The following PHLDB3 variants were observed in gnomAD, a reference collection of about 807,000 sequenced individuals.
The protein encoded by PHLDB3 is pleckstrin homology-like domain family B member 3.
In PHLDB3, 86 loss-of-function variants were observed where a neutral mutation model predicts 85.7. That is an observed-to-expected ratio of 1.00 (90% CI 0.84 to 1.20). The LOEUF (loss-of-function observed/expected upper bound fraction) is 1.20, where lower values mean the gene tolerates loss of function less well. Among genes scored for constraint, PHLDB3 ranks in the 50% most tolerant of loss-of-function variants. The pLI is 0.00. For synonymous variants in PHLDB3, 376 were observed against 349.8 expected (o/e 1.07, Z -0.83); for missense variants, 995 against 873.0 (o/e 1.14, Z -1.76).
At chr19:43,502,413 C>T in intron 2 of PHLDB3, 130 bp from the exon 3 acceptor site, 1 of 796,986 alleles carries the variant, frequency 1.3e-6, no homozygotes, top group Non-Finnish European at 1.9e-6. Context: ...ACACAACCAC[C>T]ACTCCCATAA....
intron 13 of PHLDB3, among the ~76,000 whole-genome samples, chr19:43,483,739 T>C (rs1480414116): frequency 1.3e-5 from 2 of 152,158 alleles, no homozygotes; most frequent in Non-Finnish European, 2.9e-5. Flanking sequence ...TTTTCTTTAA[T>C]GGGGAGGCAG....
At chr19:43,488,097 T>C (rs1313325820) in intron 9 of PHLDB3, among the ~76,000 whole-genome samples, 1 of 150,762 alleles carries the variant, frequency 6.6e-6, no homozygotes, top group Admixed American at 6.6e-5. Flanking sequence ...AAGGTTCCAG[T>C]GAGCCGAGAT....
chr19:43,481,768 T>G (rs1599934355), intron 13 of PHLDB3, among the ~76,000 whole-genome samples: 1 of 148,384 alleles, frequency 6.7e-6, no homozygotes, highest in East Asian at 2.0e-4. Context: ...CACTCCAGGC[T>G]GGGTGACAAA....
rs1970903163 is a variant in PHLDB3 at position 43,475,396 on chromosome 19, G to A, written c.*14C>T. 1 of 1,612,832 alleles carries A rather than the reference G, an allele frequency of 6.2e-7. No homozygotes were observed. Among genetic ancestry groups the A allele is most frequent in the African/African-American group, 1.3e-5 (1 of 75,064 alleles). On this transcript the variant is annotated 3_prime_UTR_variant, in exon 16 of 16. Coordinates refer to ENST00000292140, the MANE Select transcript of PHLDB3 (RefSeq NM_198850.4). The stretch of plus-strand genomic sequence containing the variant: ...GAGCCTCGAAGGGACTTCCCCCCAA[G>A]AGGGCGGGGCCACTCAGGGGGCGTG...
At position 43,494,697 on chromosome 19, in the gene PHLDB3, G is replaced by A; in HGVS notation, c.1149+5C>T. Reference sequence around the variant, plus strand: ...ATGGGGAAACAGAGGCCGTGGGGGAGGCACCTGCAGGGAGCTGTGGACAGA... The same window carrying A: ...ATGGGGAAACAGAGGCCGTGGGGGAAGCACCTGCAGGGAGCTGTGGACAGA... On this transcript the variant is annotated splice_donor_5th_base_variant and intron_variant, in intron 9 of 15. Coordinates refer to ENST00000292140, the MANE Select transcript of PHLDB3 (RefSeq NM_198850.4). 6.2e-7 allele frequency: 1 copy of A among 1,603,562 alleles called. No homozygotes were observed. The highest frequency in any genetic ancestry group is 8.5e-7 in the Non-Finnish European group (1 of 1,172,792).
At chr19:43,475,836 G>A (rs1970916968) in intron 15 of PHLDB3, among the ~76,000 whole-genome samples, 1 of 151,534 alleles carries the variant, frequency 6.6e-6, no homozygotes. Flanking sequence ...TGGCTCTGTC[G>A]CCAGGCTGGA....
At chr19:43,504,215 G>A (rs1971697130) in intron 1 of PHLDB3, 83 bp from the exon 2 acceptor site, 1 of 1,258,990 alleles carries the variant, frequency 7.9e-7, no homozygotes, top group Non-Finnish European at 1.1e-6. Context: ...GGGGCGCGGA[G>A]ACCCCCCCCC....
rs763717699 is a variant in PHLDB3, at chr19:43,479,544, C to G, written c.1535G>C (p.Arg512Pro). The part of the protein sequence containing the change: ...HPPGPRILDL[R>P]QHLEGWGHNP... ...GTGGCCCCATCCCTCCAGATGCTGC[C>G]GGAGATCCAAGATTCGCGGGCCTGG... The change falls in exon 14 of 16, where the codon CGG becomes CCG. Residue 512 changes from arginine to proline, a missense_variant. Coordinates refer to ENST00000292140, the MANE Select transcript of PHLDB3 (RefSeq NM_198850.4). The G allele has an allele frequency of 2.6e-6, 3 of 1,175,920 alleles. No homozygotes were observed. In the Admixed American group the frequency reaches 8.2e-5, roughly 32 times the overall value. The allele number at this position is 1,175,920 out of a possible 1,614,324, so 72.8% of individuals were successfully genotyped here. A position where few individuals can be genotyped will look rare whatever the true frequency, so the allele number is the denominator to read the frequency against.
intron 5 of PHLDB3, 81 bp downstream of exon 5, chr19:43,497,667 G>A: frequency 4.2e-6 from 6 of 1,430,874 alleles, no homozygotes; most frequent in African/African-American, 1.4e-5. Context: ...AGCCGAGATC[G>A]CACCACTGCA....
chr19:43,485,154 G>T (rs1298504328), intron 13 of PHLDB3, among the ~76,000 whole-genome samples: 2 of 151,710 alleles, frequency 1.3e-5, no homozygotes, highest in African/African-American at 2.4e-5. Flanking sequence ...GGCACCTGGG[G>T]GTCTATTAAT....
chr19:43,493,364 G>A lies in PHLDB3; in HGVS notation c.1149+1338C>T, dbSNP rs114361869. Among the ~76,000 whole-genome samples, 1,420 of 151,388 alleles carry A rather than the reference G, an allele frequency of 9.4e-3. 24 individuals are homozygous for A. The highest frequency in any genetic ancestry group is 0.032 in the African/African-American group (1,323 of 41,250). On this transcript the variant is annotated intron_variant, in intron 9 of 15. Coordinates refer to ENST00000292140, the MANE Select transcript of PHLDB3 (RefSeq NM_198850.4). ...ATCTCTACAAATTGGACCCATGCGC[G>A]GTGGCTCATGCCTGTAATCCCAGCA...
At chr19:43,485,219 G>GTT (rs901425028) in intron 13 of PHLDB3, among the ~76,000 whole-genome samples, 9 of 144,792 alleles carry the variant, frequency 6.2e-5, no homozygotes, top group African/African-American at 1.5e-4. Context: ...AAGGTTTTTT[G>GTT]TTTTTTTTTT....
chr19:43,493,667 AAC>A (rs1971375298), intron 9 of PHLDB3, among the ~76,000 whole-genome samples: 2 of 152,076 alleles, frequency 1.3e-5, no homozygotes. Flanking sequence ...AAATGTTCTC[AAC>A]ACACAGAAAT....
intron 13 of PHLDB3, among the ~76,000 whole-genome samples, chr19:43,479,806 A>G (rs1402499710): frequency 6.6e-6 from 1 of 152,116 alleles, no homozygotes; most frequent in African/African-American, 2.4e-5. Context: ...GCTCCTTGGC[A>G]CTTCATGGCA....
At chr19:43,495,779 ACCCTCTT>A (rs1198564642) in intron 6 of PHLDB3, 159 bp from the exon 7 acceptor site, 800 of 1,015,048 alleles carry the variant, frequency 7.9e-4, no homozygotes, top group South Asian at 1.8e-3. Context: ...AGCTCCCTGG[ACCCTCTT>A]CCCTTTTGAG....
At position 43,475,151 on chromosome 19, in the gene PHLDB3, A is replaced by T; in HGVS notation, c.*259T>A. On this transcript the variant is annotated 3_prime_UTR_variant, in exon 16 of 16. Coordinates refer to ENST00000292140, the MANE Select transcript of PHLDB3 (RefSeq NM_198850.4). ...ATTCGGTATCACAGGAGCACCAATA[A>T]ATAGTTTCTTCCCGCCCCTGCAATC... is the stretch of plus-strand genomic sequence containing the variant. The T allele has an allele frequency of 2.3e-6, 1 of 444,140 alleles. No homozygotes were observed. Among genetic ancestry groups the T allele is most frequent in the South Asian group, 2.8e-5 (1 of 35,392 alleles). 27.5% of individuals were successfully genotyped at this position (444,140 alleles called of 1,614,324 possible).
chr19:43,484,022 C>T (rs1293114789), intron 13 of PHLDB3, among the ~76,000 whole-genome samples: 1 of 151,924 alleles, frequency 6.6e-6, no homozygotes, highest in Non-Finnish European at 1.5e-5. Context: ...GAGGCCAAAG[C>T]GGGTGGATCA....
chr19:43,480,880 C>T (rs979503116), intron 13 of PHLDB3, among the ~76,000 whole-genome samples: 1 of 152,112 alleles, frequency 6.6e-6, no homozygotes, highest in South Asian at 2.1e-4. Context: ...TAAGGCAATA[C>T]AAGTGTCCAC....
intron 9 of PHLDB3, among the ~76,000 whole-genome samples, chr19:43,489,700 T>C (rs958581784): frequency 3.3e-5 from 5 of 152,060 alleles, no homozygotes; most frequent in African/African-American, 9.7e-5. Context: ...TTTTGTGAAT[T>C]TTTTGCTAGA....
Sources: allele counts gnomAD v4.1 joint callset (sites outside exome capture counted in the v4.1 genomes callset), GRCh38; gene constraint gnomAD v4.1.1; transcripts MANE v1.5; gene names NCBI Gene and HGNC (gene_info 2026-07-23, HGNC 2026-07-21).